The following PDXDC1 variants were observed in gnomAD, a reference collection of about 807,000 sequenced individuals.
PDXDC1 encodes pyridoxal dependent decarboxylase domain containing 1, also known as pyridoxal-dependent decarboxylase domain-containing protein 1.
In PDXDC1, 42 loss-of-function variants were observed where a neutral mutation model predicts 100.1. The ratio of observed to expected loss-of-function variants is 0.42; its 90% CI spans 0.33 to 0.54. The LOEUF (loss-of-function observed/expected upper bound fraction) is 0.54, where lower values mean the gene tolerates loss of function less well. PDXDC1 is among the 20% of genes least tolerant of loss of function. The probability of loss-of-function intolerance (pLI) is 0.10; values close to 1 mark genes in which losing one functional copy is unlikely to be tolerated. For synonymous variants in PDXDC1, 260 were observed against 371.7 expected (o/e 0.70, Z 3.46); for missense variants, 636 against 979.2 (o/e 0.65, Z 4.68).
chr16:15,038,217 AC>A lies in PDXDC1; in HGVS notation c.*1943del, dbSNP rs1250061158. 3.7e-6 allele frequency: 6 copies of A among 1,610,872 alleles called. No homozygotes were observed. In the African/African-American group the frequency reaches 8.0e-5, roughly 22 times the overall value. Reference sequence around the variant, plus strand: ...GAGGCGAAGTGGAAAGATTCTGAAAACACAAGATGGTGGGCATTAGAGAAGC... The same window carrying A: ...GAGGCGAAGTGGAAAGATTCTGAAAAACAAGATGGTGGGCATTAGAGAAGC... On this transcript the variant is annotated 3_prime_UTR_variant, in exon 23 of 23. Coordinates refer to ENST00000396410, the MANE Select transcript of PDXDC1 (RefSeq NM_015027.4).
At chr16:15,058,221 G>C (rs1354779692) in intron 16 of PDXDC1, among the ~76,000 whole-genome samples, 1 of 151,960 alleles carries the variant, frequency 6.6e-6, no homozygotes, top group Non-Finnish European at 1.5e-5. Context: ...TCAAGCCCTA[G>C]AGGTCAAGGC....
chr16:15,034,345 G>C lies in PDXDC1; in HGVS notation c.1872G>C (p.Leu624=). 2.5e-6 allele frequency: 4 copies of C among 1,613,486 alleles called. No individual in the cohort carries two copies. Among genetic ancestry groups the C allele is most frequent in the Non-Finnish European group, 3.4e-6 (4 of 1,179,978 alleles). ...GCATTCAGGAAGCTCAAGTGGAGCTGCAGAAGGCAAGTGAAGAACGGCTTC... is the reference window on the plus strand; with the variant it reads ...GCATTCAGGAAGCTCAAGTGGAGCTCCAGAAGGCAAGTGAAGAACGGCTTC... ...RKGIQEAQVE[L]QKASEERLLE... The change falls in exon 20 of 23, where the codon CTG becomes CTC. Residue 624 remains leucine (L), a synonymous_variant. Coordinates refer to ENST00000396410, the MANE Select transcript of PDXDC1 (RefSeq NM_015027.4).
At chr16:15,133,735 G>A (rs1169704161) in intron 16 of PDXDC1, 59 of 1,598,630 alleles carry the variant, frequency 3.7e-5, no homozygotes, top group Non-Finnish European at 4.9e-5. Context: ...ATCACGGGAG[G>A]GCTCCGTGAC....
At chr16:15,145,064 G>A in the PDXDC1 span, among the ~76,000 whole-genome samples, 4 of 152,152 alleles carry the variant, frequency 2.6e-5, no homozygotes. Context: ...GCTCCTGATG[G>A]GCACAGAGGC....
chr16:15,097,172 GTGGGAGAATCACT>G (rs1183772321), intron 16 of PDXDC1, among the ~76,000 whole-genome samples: 3 of 151,906 alleles, frequency 2.0e-5, no homozygotes, highest in African/African-American at 7.3e-5. Flanking sequence ...GGAGACAGAG[GTGGGAGAATCACT>G]TGAACCCAGG....
downstream of PDXDC1, chr16:15,041,729 A>T: frequency 7.5e-7 from 1 of 1,336,870 alleles, no homozygotes; most frequent in Non-Finnish European, 1.1e-6. Context: ...TAGTTACCAG[A>T]ACAAACTGCT....
chr16:15,038,163 A>G lies in PDXDC1; in HGVS notation c.*1888A>G, dbSNP rs1394577335. On this transcript the variant is annotated 3_prime_UTR_variant, in exon 23 of 23. Coordinates refer to ENST00000396410, the MANE Select transcript of PDXDC1 (RefSeq NM_015027.4). ...TTAAAAACATCAAGGTAGATCTAAT[A>G]TGTTCAACAAAGTGGGGTGGCTCAG... 8 of 1,613,298 alleles carry G rather than the reference A, an allele frequency of 5.0e-6. No homozygotes were observed. In the African/African-American group the frequency reaches 9.4e-5, roughly 19 times the overall value.
chr16:15,124,004 G>T (rs2151897581), intron 16 of PDXDC1, among the ~76,000 whole-genome samples: 1 of 151,998 alleles, frequency 6.6e-6, no homozygotes, highest in East Asian at 1.9e-4. Context: ...CCGTGTGTGT[G>T]GACTTTAAAT....
intron 16 of PDXDC1, among the ~76,000 whole-genome samples, chr16:15,087,123 T>C (rs2045940984): frequency 6.6e-6 from 1 of 152,162 alleles, no homozygotes; most frequent in Non-Finnish European, 1.5e-5. Context: ...ATTATATTCA[T>C]GCATATATAC....
intron 3 of PDXDC1, 141 bp downstream of exon 3, chr16:14,998,546 G>C (rs1972491938): frequency 1.1e-6 from 1 of 870,122 alleles, no homozygotes. Flanking sequence ...CCGGGTTCAA[G>C]CAGTTCTTTC....
At chr16:15,013,150 A>G (rs1242803636) in intron 8 of PDXDC1, among the ~76,000 whole-genome samples, 2 of 152,204 alleles carry the variant, frequency 1.3e-5, no homozygotes, top group African/African-American at 2.4e-5. Flanking sequence ...AGCCTTGGTG[A>G]CAGAGTGAGA....
chr16:15,077,168 G>T (rs868224457), intron 16 of PDXDC1, among the ~76,000 whole-genome samples: 32 of 151,528 alleles, frequency 2.1e-4, no homozygotes, highest in Non-Finnish European at 3.7e-4. Context: ...TAGTAGAGAT[G>T]GGGTTACTCC....
intron 16 of PDXDC1, among the ~76,000 whole-genome samples, chr16:15,132,291 C>G (rs1414265869): frequency 9.9e-4 from 22 of 22,134 alleles, no homozygotes; most frequent in Non-Finnish European, 1.1e-3. Context: ...AGGGGAAGGT[C>G]TAGGGGAGGG....
At chr16:15,041,540 C>A (rs572586323), downstream of PDXDC1, 16 of 902,936 alleles carry the variant, frequency 1.8e-5, no homozygotes, top group African/African-American at 1.5e-4. Flanking sequence ...CAGTGTGTGC[C>A]GGTGCTTGGG....
At chr16:15,041,171 A>ATTAT (rs745444961), downstream of PDXDC1, 27 of 1,173,544 alleles carry the variant, frequency 2.3e-5, no homozygotes, top group Non-Finnish European at 3.2e-5. Context: ...ATACCAAATG[A>ATTAT]TTATTTTTAC....
chr16:15,145,291 T>G, the PDXDC1 span, among the ~76,000 whole-genome samples: 1 of 152,142 alleles, frequency 6.6e-6, no homozygotes, highest in Non-Finnish European at 1.5e-5. Context: ...CATCACCCAC[T>G]CGGCTGTGGG....
intron 16 of PDXDC1, among the ~76,000 whole-genome samples, chr16:15,046,226 G>A (rs1337683821): frequency 2.0e-5 from 3 of 152,244 alleles, no homozygotes; most frequent in Non-Finnish European, 4.4e-5. Context: ...GAATCGACCA[G>A]TATTGACTAG....
intron 1 of PDXDC1, among the ~76,000 whole-genome samples, chr16:14,996,131 A>G (rs1297256391): frequency 1.8e-4 from 27 of 152,288 alleles, no homozygotes; most frequent in African/African-American, 6.0e-4. Flanking sequence ...GAGTCCTCCC[A>G]GGGACCTTAA....
At chr16:15,055,958 A>T in intron 16 of PDXDC1, 1 of 1,227,946 alleles carries the variant, frequency 8.1e-7, no homozygotes, top group Non-Finnish European at 1.0e-6. Context: ...CCGCCCCTCG[A>T]CGAGCAGCGG....
Sources: allele counts gnomAD v4.1 joint callset (sites outside exome capture counted in the v4.1 genomes callset), GRCh38; gene constraint gnomAD v4.1.1; transcripts MANE v1.5; gene names NCBI Gene and HGNC (gene_info 2026-07-23, HGNC 2026-07-21).